RYR3: variants seen among roughly 807,000 people sequenced by gnomAD.
RYR3 encodes the protein ryanodine receptor 3.
Under a neutral mutation model 584.3 loss-of-function variants are expected in RYR3, and 207 were observed. That is an observed-to-expected ratio of 0.35 (90% CI 0.32 to 0.40). The LOEUF (loss-of-function observed/expected upper bound fraction) is 0.40. Ranked by LOEUF, RYR3 falls within the 10% of genes least tolerant of loss-of-function variation. The pLI is 1.00. For missense variants in RYR3, 5,616 were observed against 6,089.2 expected (o/e 0.92, Z 2.59); for synonymous variants, 2,416 against 2,248.5 (o/e 1.07, Z -2.11).
At chr15:33,802,520 G>GT (rs67473024) in intron 69 of RYR3, among the ~76,000 whole-genome samples, 2 of 18,952 alleles carry the variant, frequency 1.1e-4, no homozygotes, top group Non-Finnish European at 2.2e-4. Flanking sequence ...TGTTTGAAAA[G>GT]GCATATCGGA....
At chr15:33,864,921 C>T in intron 103 of RYR3, 1 of 505,076 alleles carries the variant, frequency 2.0e-6, no homozygotes, top group Non-Finnish European at 3.5e-6. Flanking sequence ...GGGGATTTTT[C>T]TCCTTCCCTG....
chr15:33,839,478 A>G (rs192444556), intron 89 of RYR3, among the ~76,000 whole-genome samples: 15 of 152,338 alleles, frequency 9.8e-5, no homozygotes, highest in Admixed American at 8.5e-4. Flanking sequence ...TAAGTGAACA[A>G]GATAGCAGGA....
At chr15:33,741,818 G>A (rs142039497) in intron 51 of RYR3, among the ~76,000 whole-genome samples, 29,934 of 151,854 alleles carry the variant, frequency 0.2, 3,086 homozygotes, top group African/African-American at 0.27. Context: ...GTTTCACCGT[G>A]TTAGCCAGGA....
chr15:33,526,400 A>G (rs1033086652), intron 3 of RYR3, among the ~76,000 whole-genome samples: 3 of 152,198 alleles, frequency 2.0e-5, no homozygotes, highest in Non-Finnish European at 4.4e-5. Context: ...GTAATAGCCA[A>G]GGTCACTCGT....
At chr15:33,673,758 A>T (rs2152728282) in intron 38 of RYR3, among the ~76,000 whole-genome samples, 1 of 152,328 alleles carries the variant, frequency 6.6e-6, no homozygotes, top group South Asian at 2.1e-4. Context: ...TAAATTCTTG[A>T]TCTCTGCCAT....
At chr15:33,825,721 ATC>A (rs1264240254) in intron 82 of RYR3, 45 bp downstream of exon 82, 1 of 1,039,810 alleles carries the variant, frequency 9.6e-7, no homozygotes, top group Non-Finnish European at 1.4e-6. Context: ...CCTGATTAAA[ATC>A]TTTTTTTTTT....
chr15:33,517,229 G>A (rs956176694), intron 3 of RYR3, among the ~76,000 whole-genome samples: 2 of 152,174 alleles, frequency 1.3e-5, no homozygotes, highest in Non-Finnish European at 2.9e-5. Context: ...TCCCGACCTC[G>A]TGATCCACGC....
intron 42 of RYR3, 100 bp downstream of exon 42, chr15:33,701,180 C>T (rs114751887): frequency 9.2e-5 from 65 of 707,836 alleles, no homozygotes; most frequent in African/African-American, 8.6e-4. Flanking sequence ...GTCACTGTAT[C>T]GTCATCTTGG....
At chr15:33,855,393 G>A (rs944058561) in intron 98 of RYR3, among the ~76,000 whole-genome samples, 9 of 152,086 alleles carry the variant, frequency 5.9e-5, no homozygotes, top group African/African-American at 9.7e-5. Flanking sequence ...TAGTAGAGAC[G>A]GGGTTTCACC....
intron 1 of RYR3, among the ~76,000 whole-genome samples, chr15:33,336,826 C>T (rs1224342923): frequency 2.0e-5 from 3 of 150,332 alleles, no homozygotes; most frequent in East Asian, 2.0e-4. Flanking sequence ...GAGGCTGAGG[C>T]GGGCGGATCA....
rs187175726 is a variant in RYR3, at chr15:33,607,784, C to G, written c.2164+4420C>G. 9.1e-3 allele frequency among the ~76,000 whole-genome samples: 1,384 copies of G among 152,064 alleles called. 12 individuals are homozygous for G. The highest frequency in any genetic ancestry group is 0.014 in the Admixed American group (211 of 15,270). On this transcript the variant is annotated intron_variant, in intron 18 of 103. Transcript: ENST00000634891. ...TCCCGGCAAACTTTTCTACTGTTAG[C>G]CTAATAATTAAGGTTCCTGGAGTTG...
At chr15:33,746,252 T>G (rs2070703442) in intron 53 of RYR3, 95 bp downstream of exon 53, 1 of 848,344 alleles carries the variant, frequency 1.2e-6, no homozygotes, top group South Asian at 1.5e-5. Context: ...CACTCTCACG[T>G]CCCTACAACA....
chr15:33,348,162 G>C (rs4780110), intron 1 of RYR3, among the ~76,000 whole-genome samples: 132,553 of 152,182 alleles, frequency 0.87, 57,874 homozygotes, highest in African/African-American at 0.93. Flanking sequence ...TTCTACTCCC[G>C]CAGTGAGAAA....
At chr15:33,616,699 T>C (rs2060469038) in intron 19 of RYR3, among the ~76,000 whole-genome samples, 1 of 152,180 alleles carries the variant, frequency 6.6e-6, no homozygotes, top group East Asian at 1.9e-4. Context: ...TAAAAAGCAG[T>C]GCCAGTGGGG....
intron 1 of RYR3, among the ~76,000 whole-genome samples, chr15:33,419,144 T>C (rs771289623): frequency 1.5e-4 from 23 of 152,094 alleles, no homozygotes; most frequent in Admixed American, 3.9e-4. Context: ...GAATAATGAA[T>C]GGGAAAAGCT....
intron 15 of RYR3, among the ~76,000 whole-genome samples, chr15:33,585,449 G>A (rs2058800563): frequency 1.3e-5 from 2 of 151,950 alleles, no homozygotes; most frequent in South Asian, 4.1e-4. Flanking sequence ...CCTATCCAGT[G>A]TGCCAAAAAA....
intron 2 of RYR3, among the ~76,000 whole-genome samples, chr15:33,501,693 G>A (rs911496193): frequency 6.6e-6 from 1 of 152,164 alleles, no homozygotes; most frequent in Admixed American, 6.5e-5. Context: ...TATTTTGGAA[G>A]GCTAAGTTAG....
intron 38 of RYR3, among the ~76,000 whole-genome samples, chr15:33,689,396 A>C (rs952084661): frequency 6.6e-6 from 1 of 152,106 alleles, no homozygotes; most frequent in Admixed American, 6.5e-5. Context: ...AATTGTCAGC[A>C]TTCTCCCATG....
At chr15:33,818,983 C>T (rs1202300955) in intron 76 of RYR3, among the ~76,000 whole-genome samples, 4 of 152,150 alleles carry the variant, frequency 2.6e-5, no homozygotes. Context: ...ATTAGCCGGG[C>T]ATGGTGGTGC....
Sources: allele counts gnomAD v4.1 joint callset (sites outside exome capture counted in the v4.1 genomes callset), GRCh38; gene constraint gnomAD v4.1.1; transcripts MANE v1.5; gene names NCBI Gene and HGNC (gene_info 2026-07-23, HGNC 2026-07-21).